SBK3: variants seen among roughly 807,000 people sequenced by gnomAD.
SBK3 encodes the protein SH3 domain binding kinase family member 3.
SBK3 carries 16 observed loss-of-function variants against 12.7 expected under a neutral mutation model. That is an observed-to-expected ratio of 1.26 (90% CI 0.86 to 1.92). The LOEUF (loss-of-function observed/expected upper bound fraction) is 1.92, where lower values mean the gene tolerates loss of function less well. SBK3 is among the 40% of genes most tolerant of loss of function. The pLI, the probability that SBK3 is intolerant of heterozygous loss-of-function variation, is 0.00. For missense variants in SBK3, 462 were observed against 481.8 expected, an observed-to-expected ratio of 0.96 and a Z score of 0.38; for synonymous variants, 217 against 213.6, an observed-to-expected ratio of 1.02 and a Z score of -0.14.
rs1395468781 is a variant in SBK3 at position 55,544,937 on chromosome 19, T to C, written c.58A>G (p.Thr20Ala). Residue 20 changes from threonine to alanine, a missense_variant, in exon 2 of 4, where the codon ACA becomes GCA. By Grantham distance (58) the Thr-to-Ala change is moderately conservative. Transcript: ENST00000612221. ...EDGDPEEDTA[T>A]ALQRLVELTT... ...AGCTCCACCAGCCGTTGGAGGGCTG[T>C]GGCTGTGTCCTCCTACGGGAGAGGG... The C allele has an allele frequency of 5.9e-6, 9 of 1,532,206 alleles. No homozygotes were observed. Among genetic ancestry groups the C allele is most frequent in the Non-Finnish European group, 7.9e-6 (9 of 1,145,556 alleles). 94.9% of individuals were successfully genotyped at this position (1,532,206 alleles called of 1,614,324 possible). A position where few individuals can be genotyped will look rare whatever the true frequency, so the allele number is the denominator to read the frequency against.
intron 3 of SBK3, 75 bp downstream of exon 3, chr19:55,544,025 G>T: frequency 7.8e-7 from 1 of 1,288,672 alleles, no homozygotes. Context: ...GGTCAGAGTT[G>T]GAGACAGAGA....
Position 55,544,791 on chromosome 19 carries a change from G to A in SBK3, c.196+8C>T. ...TTGGGGAGGCTGCCCTTGGGTGGCT[G>A]AACTCACCCCCCTGGTGAGGCTGGG... On this transcript the variant is annotated splice_region_variant and intron_variant, in intron 2 of 3. Coordinates refer to ENST00000612221, the MANE Select transcript of SBK3 (RefSeq NM_001199824.2). The A allele has an allele frequency of 2.0e-6, 3 of 1,488,912 alleles. No individual in the cohort carries two copies. The highest frequency in any genetic ancestry group is 2.7e-6 in the Non-Finnish European group (3 of 1,123,954). 92.2% of individuals were successfully genotyped at this position (1,488,912 alleles called of 1,614,324 possible).
chr19:55,541,037 G>C lies in SBK3; in HGVS notation c.889C>G (p.Pro297Ala), dbSNP rs928546012. Residue 297 changes from proline (P) to alanine (A), a missense_variant, in exon 4 of 4, where the codon CCA (proline) becomes GCA (alanine). Pro to Ala is a conservative substitution (Grantham distance 27). Coordinates refer to ENST00000612221, the MANE Select transcript of SBK3 (RefSeq NM_001199824.2). This position sits in a 1 kb window ranked among gnomAD's most constrained non-coding sequence, Gnocchi z 5.3. ...CCCAGGAAGTCCAGGACAGCCAGTGGGGGGCTCCTAGTCTCGGGATCCAGG... is the reference window on the plus strand; with the variant it reads ...CCCAGGAAGTCCAGGACAGCCAGTGCGGGGCTCCTAGTCTCGGGATCCAGG... ...LDLDPETRSP[P>A]LAVLDFLGDD... 217 of 1,535,902 alleles carry C rather than the reference G, an allele frequency of 1.4e-4. No homozygotes were observed. Among genetic ancestry groups the C allele is most frequent in the Non-Finnish European group, 1.8e-4 (212 of 1,146,876 alleles).
rs548348923 is a variant in SBK3, at chr19:55,541,279, G to T, written c.647C>A (p.Thr216Asn). Residue 216 changes from threonine to asparagine, a missense_variant, in exon 4 of 4, where the codon ACC becomes AAC. Transcript: ENST00000612221. The surrounding 1 kb of genome is among the most constrained non-coding windows in gnomAD (Gnocchi z 5.3). ...PELCLLLPPD[T>N]LPLRPAVDSW... ...GTCCACGGCTGGCCGCAGAGGCAGG[G>T]TGTCGGGCGGTAGCAGGAGACAGAG... is the stretch of plus-strand genomic sequence containing the variant. 2.0e-6 allele frequency: 3 copies of T among 1,535,848 alleles called. No homozygotes were observed. Among genetic ancestry groups the T allele is most frequent in the African/African-American group, 2.7e-5 (2 of 73,186 alleles).
Position 55,541,289 on chromosome 19 carries a change from G to C in SBK3, c.637C>G (p.Pro213Ala). The change falls in exon 4 of 4, where the codon CCG becomes GCG. Residue 213 changes from proline (P) to alanine (A), a missense_variant. Pro to Ala is a conservative substitution (Grantham distance 27). Coordinates refer to ENST00000612221, the MANE Select transcript of SBK3 (RefSeq NM_001199824.2). The surrounding 1 kb of genome is among the most constrained non-coding windows in gnomAD (Gnocchi z 5.3). ...TAPPELCLLL[P>A]PDTLPLRPAV... ...GGCCGCAGAGGCAGGGTGTCGGGCG[G>C]TAGCAGGAGACAGAGCTCAGGCGGT... The C allele has an allele frequency of 6.5e-7, 1 of 1,535,766 alleles. No homozygotes were observed. Among genetic ancestry groups the C allele is most frequent in the South Asian group, 1.2e-5 (1 of 84,044 alleles).
Position 55,541,185 on chromosome 19 carries a change from G to A in SBK3, c.741C>T (p.Ala247=), listed in dbSNP as rs552495389. The A allele has an allele frequency of 3.3e-6, 5 of 1,536,024 alleles. No individual in the cohort carries two copies. The highest frequency in any genetic ancestry group is 4.4e-6 in the Non-Finnish European group (5 of 1,146,898). ...TACFPWDVAL[A]PNPEFEAFAG... The stretch of plus-strand genomic sequence containing the variant: ...CGAAGGCCTCGAACTCAGGGTTGGG[G>A]GCCAGTGCCACGTCCCAAGGGAAAC... Residue 247 remains alanine (A), a synonymous_variant, in exon 4 of 4, where the codon GCC becomes GCT. Transcript: ENST00000612221. The surrounding 1 kb of genome is among the most constrained non-coding windows in gnomAD (Gnocchi z 5.3).
At chr19:55,542,834 A>ATCCATCCATCCG (rs767697241) in intron 3 of SBK3, among the ~76,000 whole-genome samples, 29 of 145,064 alleles carry the variant, frequency 2.0e-4, no homozygotes, top group Non-Finnish European at 3.2e-4. Context: ...CCATCCATCC[A>ATCCATCCATCCG]TCCGTCCATC....
At position 55,541,332 on chromosome 19, in the gene SBK3, T is replaced by G; in HGVS notation, c.594A>C (p.Pro198=). 1 of 1,535,158 alleles carries G rather than the reference T, an allele frequency of 6.5e-7. No individual in the cohort carries two copies. The highest frequency in any genetic ancestry group is 2.4e-5 in the East Asian group (1 of 40,906). ...RPEGSPTPAP[P]VPLPTAPPEL... The stretch of plus-strand genomic sequence containing the variant: ...CAGGCGGTGCCGTGGGCAGAGGCAC[T>G]GGTGGGGCGGGGGTCGGGCTGCCCT... The change falls in exon 4 of 4, where the codon CCA becomes CCC. Residue 198 remains proline, a synonymous_variant. Transcript: ENST00000612221. The surrounding 1 kb of genome is among the most constrained non-coding windows in gnomAD (Gnocchi z 5.3).
intron 3 of SBK3, among the ~76,000 whole-genome samples, chr19:55,542,805 CTTCT>C (rs151124476): frequency 0.047 from 6,907 of 147,182 alleles, 291 homozygotes; most frequent in Admixed American, 0.097. Flanking sequence ...CCAATCCTTC[CTTCT>C]ATCGATCCAT....
At chr19:55,544,011 T>C in intron 3 of SBK3, 89 bp downstream of exon 3, 1 of 1,155,272 alleles carries the variant, frequency 8.7e-7, no homozygotes, top group Non-Finnish European at 1.2e-6. Flanking sequence ...GGGCCCTGAT[T>C]TGGGGTCAGA....
Position 55,540,744 on chromosome 19 carries a change from T to G in SBK3, c.*102A>C, listed in dbSNP as rs895202579. The G allele has an allele frequency of 2.3e-5, 23 of 999,088 alleles. No homozygotes were observed. The highest frequency in any genetic ancestry group is 3.5e-5 in the Non-Finnish European group (23 of 656,348). The allele number at this position is 999,088 out of a possible 1,614,324, so 61.9% of individuals were successfully genotyped here. ...CGTAGGGAGAGTGCAATGTGTTCCC[T>G]CTCTGTCCTCCCGGGTGCAGCTGTC... is the stretch of plus-strand genomic sequence containing the variant. On this transcript the variant is annotated 3_prime_UTR_variant, in exon 4 of 4. Coordinates refer to ENST00000612221, the MANE Select transcript of SBK3 (RefSeq NM_001199824.2).
Position 55,541,610 on chromosome 19 carries a change from C to T in SBK3, c.400-84G>A. On this transcript the variant is annotated intron_variant, in intron 3 of 3. Transcript: ENST00000612221. The surrounding 1 kb of genome is among the most constrained non-coding windows in gnomAD (Gnocchi z 5.3). ...GTCCAGGCTGGTCTCAAACTCCTGG[C>T]CTCAAGCGATCCTCCTGCCTTGGCC... 8.7e-7 allele frequency: 1 copy of T among 1,147,140 alleles called. No individual in the cohort carries two copies. Among genetic ancestry groups the T allele is most frequent in the Non-Finnish European group, 1.2e-6 (1 of 834,044 alleles). 71.1% of individuals were successfully genotyped at this position (1,147,140 alleles called of 1,614,324 possible).
chr19:55,541,105 T>G lies in SBK3; in HGVS notation c.821A>C (p.Gln274Pro). Residue 274 changes from glutamine (Q) to proline (P), a missense_variant, in exon 4 of 4, where the codon CAG (glutamine) becomes CCG (proline). Coordinates refer to ENST00000612221, the MANE Select transcript of SBK3 (RefSeq NM_001199824.2). The surrounding 1 kb of genome is among the most constrained non-coding windows in gnomAD (Gnocchi z 5.3). The stretch of plus-strand genomic sequence containing the variant: ...CAAGGCCAGGGCTGGGGGCGCAAAC[T>G]GGTCCCAGGGTGGTGGTGGCTGAGG... ...QPPQPPPPWD[Q>P]FAPPALALLQ... The G allele has an allele frequency of 6.5e-7, 1 of 1,535,810 alleles. No homozygotes were observed. Among genetic ancestry groups the G allele is most frequent in the Non-Finnish European group, 8.7e-7 (1 of 1,146,774 alleles).
rs1032422807 is a variant in SBK3 at position 55,545,206 on chromosome 19, C to T, written c.46-257G>A. On this transcript the variant is annotated intron_variant, in intron 1 of 3. Transcript: ENST00000612221. This position sits in a 1 kb window ranked among gnomAD's most constrained non-coding sequence, Gnocchi z 4.4. ...GGAGCAGGCCAGGAGCCCCCAGCCCCGAGTGGGGGTGCATCCTCAGCCCAC... is the reference window on the plus strand; with the variant it reads ...GGAGCAGGCCAGGAGCCCCCAGCCCTGAGTGGGGGTGCATCCTCAGCCCAC... 1 of 578,848 alleles carries T rather than the reference C, an allele frequency of 1.7e-6. No individual in the cohort carries two copies. The highest frequency in any genetic ancestry group is 3.1e-6 in the Non-Finnish European group (1 of 327,530). 35.9% of individuals were successfully genotyped at this position (578,848 alleles called of 1,614,324 possible).
In SBK3 at chr19:55,541,311, C is replaced by G; in HGVS notation, c.615G>C (p.Pro205=). 1 of 1,535,356 alleles carries G rather than the reference C, an allele frequency of 6.5e-7. No homozygotes were observed. Residue 205 remains proline (P), a synonymous_variant, in exon 4 of 4, where the codon CCG becomes CCC. Transcript: ENST00000612221. The surrounding 1 kb of genome is among the most constrained non-coding windows in gnomAD (Gnocchi z 5.3). ...PAPPVPLPTA[P]PELCLLLPPD... ...GCGGTAGCAGGAGACAGAGCTCAGGCGGTGCCGTGGGCAGAGGCACTGGTG... is the reference window on the plus strand; with the variant it reads ...GCGGTAGCAGGAGACAGAGCTCAGGGGGTGCCGTGGGCAGAGGCACTGGTG...
chr19:55,542,387 C>T (rs1208513185), intron 3 of SBK3, among the ~76,000 whole-genome samples: 1 of 151,880 alleles, frequency 6.6e-6, no homozygotes, highest in Non-Finnish European at 1.5e-5. Flanking sequence ...ACCCATCCAT[C>T]CATCCACTCA....
intron 2 of SBK3, 55 bp from the exon 3 acceptor site, chr19:55,544,357 G>T: frequency 7.3e-7 from 1 of 1,370,124 alleles, no homozygotes; most frequent in Non-Finnish European, 9.9e-7. Flanking sequence ...CTGCTGTGGG[G>T]CCTGAGGGAA....
At chr19:55,544,680 T>G in intron 2 of SBK3, 119 bp downstream of exon 2, 1 of 997,368 alleles carries the variant, frequency 1.0e-6, no homozygotes, top group Non-Finnish European at 1.4e-6. Flanking sequence ...ACTTTCAGAG[T>G]ACCCCCACTG....
rs1988646631 is a variant in SBK3 at position 55,545,114 on chromosome 19, A to G, written c.46-165T>C. 4 of 607,422 alleles carry G rather than the reference A, an allele frequency of 6.6e-6. No homozygotes were observed. Among genetic ancestry groups the G allele is most frequent in the Non-Finnish European group, 1.1e-5 (4 of 352,136 alleles). 37.6% of individuals were successfully genotyped at this position (607,422 alleles called of 1,614,324 possible). On this transcript the variant is annotated intron_variant, in intron 1 of 3. Transcript: ENST00000612221. The surrounding 1 kb of genome is among the most constrained non-coding windows in gnomAD (Gnocchi z 4.4). Reference sequence around the variant, plus strand: ...ACAGTGACTCACCCGGACTCGGGCCACCTGTTTTTGTGTCCTGGAGAGGTT... The same window carrying G: ...ACAGTGACTCACCCGGACTCGGGCCGCCTGTTTTTGTGTCCTGGAGAGGTT...
Sources: gnomAD v4.1 joint callset for allele counts (sites outside exome capture counted in the v4.1 genomes callset) on GRCh38, gnomAD v4.1.1 for gene constraint, Gnocchi (gnomAD v3.1) non-coding constraint, MANE v1.5 for transcripts, NCBI Gene and HGNC (gene_info 2026-07-23, HGNC 2026-07-21) for gene names.